Variants in SH3RF3 observed in about 807,000 individuals in gnomAD.
The protein encoded by SH3RF3 is SH3 domain containing ring finger 3, also known as E3 ubiquitin-protein ligase SH3RF3.
A neutral mutation model predicts 66.3 loss-of-function variants in SH3RF3; 29 were observed. The observed-to-expected ratio is 0.44, with a 90% CI of 0.33 to 0.60. The LOEUF is 0.60. Ranked by LOEUF, SH3RF3 falls within the 20% of genes least tolerant of loss-of-function variation. The pLI is 0.04. For synonymous variants in SH3RF3, 583 were observed against 532.0 expected (o/e 1.10, Z -1.32); for missense variants, 1,194 against 1,190.9 (o/e 1.00, Z -0.04).
chr2:109,176,177 C>T (rs1052842043), intron 1 of SH3RF3, among the ~76,000 whole-genome samples: 30 of 152,142 alleles, frequency 2.0e-4, no homozygotes, highest in Non-Finnish European at 2.2e-4. Flanking sequence ...TAATAACCAA[C>T]ATACAACCAG....
intron 1 of SH3RF3, among the ~76,000 whole-genome samples, chr2:109,214,765 G>A (rs1164897236): frequency 2.0e-5 from 3 of 152,174 alleles, no homozygotes; most frequent in Admixed American, 6.5e-5. Flanking sequence ...TTGAGCCTGT[G>A]GCTTCACCCC....
intron 1 of SH3RF3, among the ~76,000 whole-genome samples, chr2:109,330,152 C>T (rs963034233): frequency 6.6e-6 from 1 of 152,232 alleles, no homozygotes; most frequent in Non-Finnish European, 1.5e-5. Flanking sequence ...CTGTGAGATA[C>T]TTAGAGGGAA....
intron 6 of SH3RF3, among the ~76,000 whole-genome samples, chr2:109,435,294 C>G (rs976754078): frequency 3.3e-5 from 5 of 152,212 alleles, no homozygotes; most frequent in Non-Finnish European, 5.9e-5. Flanking sequence ...TGGAAGACAC[C>G]TGTCCCCCTC....
At chr2:109,353,227 C>CT (rs1392919543) in intron 2 of SH3RF3, among the ~76,000 whole-genome samples, 4 of 152,230 alleles carry the variant, frequency 2.6e-5, no homozygotes, top group African/African-American at 9.6e-5. Context: ...GCCTGCCCAG[C>CT]TGCACTGGCC....
intron 1 of SH3RF3, among the ~76,000 whole-genome samples, chr2:109,281,595 G>A (rs1680894889): frequency 6.6e-6 from 1 of 152,188 alleles, no homozygotes; most frequent in Admixed American, 6.5e-5. Context: ...CTGGGATCGA[G>A]CTCCAGGTCT....
intron 1 of SH3RF3, among the ~76,000 whole-genome samples, chr2:109,345,323 G>A (rs753818676): frequency 6.6e-6 from 1 of 152,146 alleles, no homozygotes; most frequent in East Asian, 1.9e-4. Context: ...TCCCCTTCTC[G>A]GGGGCATTGC....
At chr2:109,305,720 A>G (rs1223736260) in intron 1 of SH3RF3, among the ~76,000 whole-genome samples, 1 of 152,206 alleles carries the variant, frequency 6.6e-6, no homozygotes, top group Non-Finnish European at 1.5e-5. Flanking sequence ...GTGTGGCTAC[A>G]ATGCGGGAGG....
chr2:109,349,202 T>C (rs1394407009), intron 2 of SH3RF3, among the ~76,000 whole-genome samples: 2 of 152,186 alleles, frequency 1.3e-5, no homozygotes, highest in Non-Finnish European at 2.9e-5. Flanking sequence ...AGGAGAACCA[T>C]GCACAGTGTT....
At chr2:109,141,198 C>T (rs78919587) in intron 1 of SH3RF3, among the ~76,000 whole-genome samples, 6,640 of 152,302 alleles carry the variant, frequency 0.044, 211 homozygotes, top group Non-Finnish European at 0.067. Flanking sequence ...TGTGCAGTTT[C>T]TGGCTCCATT....
At chr2:109,430,194 C>T (rs569897927) in intron 5 of SH3RF3, among the ~76,000 whole-genome samples, 12 of 152,238 alleles carry the variant, frequency 7.9e-5, no homozygotes, top group Non-Finnish European at 1.2e-4. Flanking sequence ...TACTGTTGCC[C>T]ATGGCCAGGA....
chr2:109,450,890 T>C (rs1430328856), intron 8 of SH3RF3, among the ~76,000 whole-genome samples: 1 of 152,212 alleles, frequency 6.6e-6, no homozygotes, highest in Admixed American at 6.5e-5. Context: ...ATAAAATTAG[T>C]CTTTGGATCA....
chr2:109,414,416 T>C (rs956349006), intron 4 of SH3RF3, among the ~76,000 whole-genome samples: 1 of 152,012 alleles, frequency 6.6e-6, no homozygotes, highest in Non-Finnish European at 1.5e-5. Flanking sequence ...TTTCATCTGG[T>C]TTTTCAGTTT....
chr2:109,281,378 G>A (rs558298810), intron 1 of SH3RF3, among the ~76,000 whole-genome samples: 2 of 152,350 alleles, frequency 1.3e-5, no homozygotes, highest in East Asian at 3.9e-4. Flanking sequence ...AAAGTGAGGA[G>A]AGGGAAGGAC....
intron 1 of SH3RF3, among the ~76,000 whole-genome samples, chr2:109,326,508 C>T (rs544048906): frequency 1.3e-5 from 2 of 152,286 alleles, no homozygotes; most frequent in East Asian, 3.9e-4. Flanking sequence ...CCGACACTTG[C>T]TGTTGCCAGA....
intron 1 of SH3RF3, among the ~76,000 whole-genome samples, chr2:109,299,611 T>C (rs184008496): frequency 2.0e-5 from 3 of 152,180 alleles, no homozygotes; most frequent in Non-Finnish European, 4.4e-5. Flanking sequence ...TTTCCTTGCA[T>C]GAGCTCACAG....
chr2:109,320,566 G>A (rs188773911), intron 1 of SH3RF3, among the ~76,000 whole-genome samples: 1 of 152,302 alleles, frequency 6.6e-6, no homozygotes. Context: ...AGAAGTTTAG[G>A]CCTCTCCCCA....
intron 1 of SH3RF3, among the ~76,000 whole-genome samples, chr2:109,312,347 C>T (rs1011911853): frequency 2.0e-5 from 3 of 152,082 alleles, no homozygotes; most frequent in Non-Finnish European, 4.4e-5. Context: ...ACAAGTTTAA[C>T]GGGTTTTTTA....
chr2:109,256,143 G>A (rs112794972), intron 1 of SH3RF3, among the ~76,000 whole-genome samples: 2,986 of 152,250 alleles, frequency 0.02, 104 homozygotes, highest in African/African-American at 0.067. Context: ...GCTTCTGGCC[G>A]CTGTGACCCA....
chr2:109,157,651 G>A (rs1479929355), intron 1 of SH3RF3, among the ~76,000 whole-genome samples: 1 of 152,144 alleles, frequency 6.6e-6, no homozygotes, highest in African/African-American at 2.4e-5. Flanking sequence ...ACCTGAAAGG[G>A]ATATAAAGAT....
Sources: allele counts gnomAD v4.1 joint callset (sites outside exome capture counted in the v4.1 genomes callset), GRCh38; gene constraint gnomAD v4.1.1; transcripts MANE v1.5; gene names NCBI Gene and HGNC (gene_info 2026-07-23, HGNC 2026-07-21).